WDR36: variants seen among roughly 807,000 people sequenced by gnomAD.
WDR36 encodes WD repeat domain 36, also known as WD repeat-containing protein 36.
WDR36 carries 63 observed loss-of-function variants against 112.7 expected under a neutral mutation model. The observed-to-expected ratio is 0.56, with a 90% CI of 0.46 to 0.69. The LOEUF (loss-of-function observed/expected upper bound fraction) is 0.69. Among genes scored for constraint, WDR36 ranks in the 30% least tolerant of loss-of-function variants. The probability of loss-of-function intolerance (pLI) is 0.00; values close to 1 mark genes in which losing one functional copy is unlikely to be tolerated. For synonymous variants in WDR36, 410 were observed against 362.2 expected (o/e 1.13, Z -1.50); for missense variants, 1,226 against 1,070.3 (o/e 1.15, Z -2.03).
At chr5:111,115,180 G>T (rs1486404399) in intron 16 of WDR36, among the ~76,000 whole-genome samples, 1 of 152,132 alleles carries the variant, frequency 6.6e-6, no homozygotes, top group Non-Finnish European at 1.5e-5. Context: ...AAAAGAAAAT[G>T]TAATAAAATG....
Position 111,119,031 on chromosome 5 carries a change from G to A in WDR36, c.1815G>A (p.Leu605=). 2 of 1,613,398 alleles carry A rather than the reference G, an allele frequency of 1.2e-6. No individual in the cohort carries two copies. The highest frequency in any genetic ancestry group is 1.7e-6 in the Non-Finnish European group (2 of 1,179,530). The part of the protein sequence containing the change: ...LPSGCLIDCF[L]LDSAPLNVSM... ...TCTGTAGCCTTATAGACTGCTTTTT[G>A]TTGGACTCGGCTCCTCTCAATGTTT... The change falls in exon 17 of 23, where the codon TTG becomes TTA. Residue 605 remains leucine (L), a synonymous_variant. Transcript: ENST00000513710.
chr5:111,097,285 C>T (rs1046603006), intron 3 of WDR36, 106 bp downstream of exon 3: 3 of 817,404 alleles, frequency 3.7e-6, no homozygotes, highest in Non-Finnish European at 6.2e-6. Context: ...TGGAACTATA[C>T]AGTATTCTTT....
At chr5:111,093,966 C>T (rs71575359) in intron 1 of WDR36, among the ~76,000 whole-genome samples, 1 of 152,090 alleles carries the variant, frequency 6.6e-6, no homozygotes. Context: ...CCAGACTGTA[C>T]ACTGCTCAGA....
chr5:111,100,804 T>C, intron 5 of WDR36, 83 bp downstream of exon 5: 1 of 1,377,572 alleles, frequency 7.3e-7, no homozygotes, highest in Non-Finnish European at 1.0e-6. Flanking sequence ...GTCTCATTTC[T>C]CCCTGCCCTT....
intron 1 of WDR36, 70 bp downstream of exon 1, chr5:111,092,688 G>A: frequency 6.6e-7 from 1 of 1,511,176 alleles, no homozygotes; most frequent in Non-Finnish European, 9.0e-7. Flanking sequence ...TCCTGGAGCA[G>A]TCCGGTTCTC....
chr5:111,112,825 TA>T (rs1259410131), intron 15 of WDR36, among the ~76,000 whole-genome samples: 1 of 151,496 alleles, frequency 6.6e-6, no homozygotes, highest in African/African-American at 2.4e-5. Context: ...ATAATTCATT[TA>T]AAAGTCTAAT....
chr5:111,126,799 G>T lies in WDR36; in HGVS notation c.2604G>T (p.Gln868His), dbSNP rs1305523479. The T allele has an allele frequency of 6.2e-7, 1 of 1,613,524 alleles. No homozygotes were observed. Among genetic ancestry groups the T allele is most frequent in the Non-Finnish European group, 8.5e-7 (1 of 1,179,798 alleles). The change falls in exon 23 of 23, where the codon CAG (glutamine) becomes CAT (histidine). Residue 868 changes from glutamine (Q) to histidine (H), a missense_variant. Physicochemically the swap from Gln to His is conservative, Grantham distance 24 (BLOSUM62 0). Transcript: ENST00000513710. The part of the protein sequence containing the change: ...LLEEITNLSS[Q>H]VEENWTHLQS... ...AAGAAATAACAAATTTGTCATCCCA[G>T]GTGGAAGAAAACTGGACCCATTTGC...
chr5:111,115,831 T>G (rs2112583533), intron 16 of WDR36, among the ~76,000 whole-genome samples: 1 of 152,326 alleles, frequency 6.6e-6, no homozygotes. Flanking sequence ...TTTGTAAAAT[T>G]TTCAGAGGAG....
chr5:111,124,156 T>G lies in WDR36; in HGVS notation c.2317T>G (p.Leu773Val). The part of the protein sequence containing the change: ...GVLAQKSDFC[L>V]KLEEGLVNNK... ...TTTGGCTCAAAAATCAGATTTCTGC[T>G]TGAAACTTGAAGAAGGACTGGTAAA... is the stretch of plus-strand genomic sequence containing the variant. Residue 773 changes from leucine (L) to valine (V), a missense_variant, in exon 21 of 23, where the codon TTG becomes GTG. By Grantham distance (32) the Leu-to-Val change is conservative (BLOSUM62 1). Coordinates refer to ENST00000513710, the MANE Select transcript of WDR36 (RefSeq NM_139281.3). 1 of 1,612,824 alleles carries G rather than the reference T, an allele frequency of 6.2e-7. No individual in the cohort carries two copies. Among genetic ancestry groups the G allele is most frequent in the Non-Finnish European group, 8.5e-7 (1 of 1,179,510 alleles).
At position 111,127,192 on chromosome 5, in the gene WDR36, AT is replaced by A. The variant is rs1753692550; in HGVS notation, c.*310del. ...CCCATCTCTACAAAAAGTTAAAAAA[AT>A]AAATTACACCTGCCTTTTGTTTTGA... On this transcript the variant is annotated 3_prime_UTR_variant, in exon 23 of 23. Transcript: ENST00000513710. The A allele has an allele frequency of 2.0e-5, 5 of 253,658 alleles. No homozygotes were observed. Among genetic ancestry groups the A allele is most frequent in the Middle Eastern group, 1.2e-3 (1 of 856 alleles). 15.7% of individuals were successfully genotyped at this position (253,658 alleles called of 1,614,324 possible).
chr5:111,119,248 ATACT>A (rs773264565), intron 17 of WDR36, 128 bp downstream of exon 17: 50 of 772,446 alleles, frequency 6.5e-5, no homozygotes, highest in Non-Finnish European at 1.1e-4. Flanking sequence ...GTTAACACAG[ATACT>A]TAATTCACTG....
At chr5:111,105,993 T>C in intron 10 of WDR36, 64 bp from the exon 11 acceptor site, 2 of 1,287,136 alleles carry the variant, frequency 1.6e-6, no homozygotes, top group East Asian at 4.7e-5. Context: ...AGCTTTTCTT[T>C]TATATACACT....
chr5:111,125,464 A>G (rs1753661272), intron 21 of WDR36, 144 bp from the exon 22 acceptor site: 3 of 796,544 alleles, frequency 3.8e-6, no homozygotes, highest in Non-Finnish European at 5.9e-6. Context: ...GTTTCATTCT[A>G]CTACATAATA....
intron 12 of WDR36, among the ~76,000 whole-genome samples, chr5:111,108,018 A>C (rs1389620402): frequency 1.3e-5 from 2 of 150,848 alleles, no homozygotes; most frequent in Non-Finnish European, 3.0e-5. Flanking sequence ...CAATTTCTGC[A>C]AAAAAAAGCA....
intron 11 of WDR36, 39 bp downstream of exon 11, chr5:111,106,182 T>A: frequency 6.7e-7 from 1 of 1,501,574 alleles, no homozygotes; most frequent in Admixed American, 1.7e-5. Flanking sequence ...AGTTCTCCTT[T>A]GTCATTTATT....
chr5:111,113,575 A>C (rs1250033702), intron 16 of WDR36, among the ~76,000 whole-genome samples: 1 of 152,108 alleles, frequency 6.6e-6, no homozygotes, highest in African/African-American at 2.4e-5. Context: ...CTTCTCTGAC[A>C]TAATTCTTAA....
chr5:111,094,121 T>C (rs531582649), intron 1 of WDR36, among the ~76,000 whole-genome samples: 1 of 152,196 alleles, frequency 6.6e-6, no homozygotes, highest in Non-Finnish European at 1.5e-5. Context: ...CTGTCCCCAG[T>C]CAGACTTCCT....
Position 111,124,313 on chromosome 5 carries a change from T to C in WDR36, c.2350+124T>C, listed in dbSNP as rs918105139. 14 of 874,386 alleles carry C rather than the reference T, an allele frequency of 1.6e-5. No homozygotes were observed. The Admixed American group carries it at 4.2e-4, about 26-fold the overall frequency. 54.2% of individuals were successfully genotyped at this position (874,386 alleles called of 1,614,324 possible). On this transcript the variant is annotated intron_variant, in intron 21 of 22. Coordinates refer to ENST00000513710, the MANE Select transcript of WDR36 (RefSeq NM_139281.3). ...ATAGTAAAAATCAAAAAGATTGAAATTTTGGTTTTAATTTGACGTAATTTT... is the reference window on the plus strand; with the variant it reads ...ATAGTAAAAATCAAAAAGATTGAAACTTTGGTTTTAATTTGACGTAATTTT...
Position 111,104,805 on chromosome 5 carries a change from A to G in WDR36, c.1015A>G (p.Ile339Val). Residue 339 changes from isoleucine to valine, a missense_variant, in exon 9 of 23, where the codon ATT becomes GTT. By Grantham distance (29) the Ile-to-Val change is conservative. Transcript: ENST00000513710. Reference protein sequence around the residue: ...IRYYGQNGQQILSASQDGTLQ... With the variant: ...IRYYGQNGQQVLSASQDGTLQ... ...ATATTATGGACAGAATGGACAGCAG[A>G]TTCTAAGTGCAAGTGAGCTTCTGCT... is the stretch of plus-strand genomic sequence containing the variant. 2 of 1,611,098 alleles carry G rather than the reference A, an allele frequency of 1.2e-6. No homozygotes were observed. Among genetic ancestry groups the G allele is most frequent in the Non-Finnish European group, 1.7e-6 (2 of 1,177,718 alleles).
Sources: allele counts gnomAD v4.1 joint callset (sites outside exome capture counted in the v4.1 genomes callset), GRCh38; gene constraint gnomAD v4.1.1; transcripts MANE v1.5; gene names NCBI Gene and HGNC (gene_info 2026-07-23, HGNC 2026-07-21).